The following TSR1 variants were observed in gnomAD, a reference collection of about 807,000 sequenced individuals.
The protein encoded by TSR1 is pre-rRNA-processing protein TSR1 homolog.
TSR1 carries 81 observed loss-of-function variants against 90.9 expected under a neutral mutation model. The observed-to-expected ratio is 0.89, with a 90% CI of 0.74 to 1.07. The LOEUF is 1.07. TSR1 is among the 50% of genes least tolerant of loss of function. The probability of loss-of-function intolerance (pLI) is 0.00; values close to 1 mark genes in which losing one functional copy is unlikely to be tolerated. For missense variants in TSR1, 989 were observed against 987.3 expected (o/e 1.00, Z -0.02); for synonymous variants, 362 against 348.8 (o/e 1.04, Z -0.42).
At chr17:2,333,292 A>G (rs760644828) in intron 6 of TSR1, 168 bp from the exon 7 acceptor site, 2 of 883,978 alleles carry the variant, frequency 2.3e-6, no homozygotes, top group South Asian at 2.8e-5. Context: ...ACAACTAGCA[A>G]TACTTACACA....
At chr17:2,335,125 C>G in intron 4 of TSR1, 135 bp downstream of exon 4, 1 of 1,125,408 alleles carries the variant, frequency 8.9e-7, no homozygotes, top group Non-Finnish European at 1.2e-6. Context: ...AATCTGTAAA[C>G]AATGGATCAA....
In TSR1 at chr17:2,323,539, G is replaced by T. The variant is rs1483559803; in HGVS notation, c.*657C>A. 8.2e-7 allele frequency: 1 copy of T among 1,213,904 alleles called. No homozygotes were observed. The highest frequency in any genetic ancestry group is 1.2e-6 in the Non-Finnish European group (1 of 854,466). 75.2% of individuals were successfully genotyped at this position (1,213,904 alleles called of 1,614,324 possible). A position where few individuals can be genotyped will look rare whatever the true frequency, so the allele number is the denominator to read the frequency against. ...CAGAATTAAAGAAAAGCTTTGGGAA[G>T]CGTGTGTACACAGTGATAAGAAAAT... On this transcript the variant is annotated 3_prime_UTR_variant, in exon 15 of 15. Transcript: ENST00000301364.
Position 2,329,266 on chromosome 17 carries a change from T to C in TSR1, c.1903+77A>G, listed in dbSNP as rs974430157. The C allele has an allele frequency of 3.1e-6, 5 of 1,600,566 alleles. No individual in the cohort carries two copies. The African/African-American group carries it at 4.0e-5, about 13-fold the overall frequency. ...AGAGATGTAAGATTTTGAAACCATA[T>C]ATTTTGGCACCCCTCCACCACAAGT... is the stretch of plus-strand genomic sequence containing the variant. On this transcript the variant is annotated intron_variant, in intron 11 of 14. Coordinates refer to ENST00000301364, the MANE Select transcript of TSR1 (RefSeq NM_018128.5).
Position 2,336,041 on chromosome 17 carries a change from T to G in TSR1, c.197A>C (p.Glu66Ala), listed in dbSNP as rs1290143971. 6.8e-6 allele frequency: 11 copies of G among 1,614,158 alleles called. No individual in the cohort carries two copies. Among genetic ancestry groups the G allele is most frequent in the East Asian group, 2.2e-5 (1 of 44,884 alleles). ...CCCAAATCCCGCTCCTCTCACCGCC[T>G]CCTTCTTCTGCTTTCGGAGCTGGCT... Reference protein sequence around the residue: ...RASQLRKQKKEAVLAEKRQLG... With the variant: ...RASQLRKQKKAAVLAEKRQLG... The change falls in exon 2 of 15, where the codon GAG becomes GCG. Residue 66 changes from glutamate to alanine, a missense_variant. Glu to Ala is a moderately radical substitution (Grantham distance 107). Coordinates refer to ENST00000301364, the MANE Select transcript of TSR1 (RefSeq NM_018128.5).
Position 2,334,566 on chromosome 17 carries a change from T to C in TSR1, c.887A>G (p.Asp296Gly). The change falls in exon 5 of 15, where the codon GAT becomes GGT. Residue 296 changes from aspartate to glycine, a missense_variant. Physicochemically the swap from Asp to Gly is moderately conservative, Grantham distance 94. Transcript: ENST00000301364. ...GGCATCTATCTGTTTCATCTGGAAA[T>C]CACCATATCCAACGATATGCAGCAA... ...NRLLHIVGYGDFQMKQIDAPG... is the reference protein window; with the variant it reads ...NRLLHIVGYGGFQMKQIDAPG... 1 of 1,614,184 alleles carries C rather than the reference T, an allele frequency of 6.2e-7. No individual in the cohort carries two copies. Among genetic ancestry groups the C allele is most frequent in the Non-Finnish European group, 8.5e-7 (1 of 1,180,048 alleles).
Position 2,333,814 on chromosome 17 carries a change from T to C in TSR1, c.982-98A>G. Reference sequence around the variant, plus strand: ...ACCCAGAAATATCAGTCCTCATGTATAAGATGAGTGCGACAGAATGCTAAA... The same window carrying C: ...ACCCAGAAATATCAGTCCTCATGTACAAGATGAGTGCGACAGAATGCTAAA... On this transcript the variant is annotated intron_variant, in intron 5 of 14. Coordinates refer to ENST00000301364, the MANE Select transcript of TSR1 (RefSeq NM_018128.5). 4.2e-6 allele frequency: 6 copies of C among 1,440,544 alleles called. No homozygotes were observed. The South Asian group carries it at 6.1e-5, about 15-fold the overall frequency. 89.2% of individuals were successfully genotyped at this position (1,440,544 alleles called of 1,614,324 possible).
At position 2,322,732 on chromosome 17, in the gene TSR1, G is replaced by A. The variant is rs543542722; in HGVS notation, c.*1464C>T. 51 of 172,340 alleles carry A rather than the reference G, an allele frequency of 3.0e-4. No individual in the cohort carries two copies. The highest frequency in any genetic ancestry group is 5.3e-4 in the Non-Finnish European group (43 of 80,730). The allele number at this position is 172,340 out of a possible 1,614,324, so 10.7% of individuals were successfully genotyped here. A position where few individuals can be genotyped will look rare whatever the true frequency, so the allele number is the denominator to read the frequency against. ...GGGGTTTCACCGTGTTAGCCAGGAT[G>A]GTCTTGATCTCCCTACCTCGTGATC... On this transcript the variant is annotated 3_prime_UTR_variant, in exon 15 of 15. Coordinates refer to ENST00000301364, the MANE Select transcript of TSR1 (RefSeq NM_018128.5).
intron 13 of TSR1, 28 bp downstream of exon 13, chr17:2,324,661 A>T (rs767677703): frequency 6.2e-7 from 1 of 1,613,936 alleles, no homozygotes; most frequent in East Asian, 2.2e-5. Context: ...AAAGGCAATC[A>T]GATCCCATCC....
At chr17:2,330,731 C>T in intron 9 of TSR1, 106 bp from the exon 10 acceptor site, 2 of 1,255,656 alleles carry the variant, frequency 1.6e-6, no homozygotes, top group East Asian at 2.5e-5. Context: ...ATTTTTAAAG[C>T]CAACCCTCAT....
chr17:2,330,506 G>A lies in TSR1; in HGVS notation c.1770+9C>T. 3 of 1,610,490 alleles carry A rather than the reference G, an allele frequency of 1.9e-6. No individual in the cohort carries two copies. The highest frequency in any genetic ancestry group is 2.5e-6 in the Non-Finnish European group (3 of 1,177,082). ...CAACCCCCCATTTTCCCACAAGACA[G>A]CAATTTACCTTCTGTTCATGAGGTA... On this transcript the variant is annotated intron_variant, in intron 10 of 14. Coordinates refer to ENST00000301364, the MANE Select transcript of TSR1 (RefSeq NM_018128.5).
Position 2,332,305 on chromosome 17 carries a change from C to T in TSR1, c.1360G>A (p.Val454Met). 6 of 1,613,504 alleles carry T rather than the reference C, an allele frequency of 3.7e-6. No homozygotes were observed. The highest frequency in any genetic ancestry group is 5.1e-6 in the Non-Finnish European group (6 of 1,179,920). The change falls in exon 8 of 15, where the codon GTG becomes ATG. Residue 454 changes from valine (V) to methionine (M), a missense_variant. Physicochemically the swap from Val to Met is conservative, Grantham distance 21. Transcript: ENST00000301364. Reference protein sequence around the residue: ...EYETMTIGESVHDDLYDKKVD... With the variant: ...EYETMTIGESMHDDLYDKKVD... ...TTCTTATCATACAGATCATCATGCA[C>T]AGACTCCCCAATAGTCATAGTTTCA...
chr17:2,334,336 T>C, intron 5 of TSR1, 136 bp downstream of exon 5: 1 of 940,424 alleles, frequency 1.1e-6, no homozygotes, highest in Non-Finnish European at 1.6e-6. Flanking sequence ...TATCAACCTA[T>C]TTATAACTGA....
intron 11 of TSR1, among the ~76,000 whole-genome samples, chr17:2,326,991 G>C (rs1401416165): frequency 6.6e-6 from 1 of 152,084 alleles, no homozygotes; most frequent in African/African-American, 2.4e-5. Flanking sequence ...TGTAATCCCA[G>C]CTGCTTGGGA....
intron 11 of TSR1, 51 bp from the exon 12 acceptor site, chr17:2,325,471 G>T (rs1158191424): frequency 2.2e-6 from 3 of 1,391,700 alleles, no homozygotes; most frequent in Non-Finnish European, 3.0e-6. Flanking sequence ...AGAAACCAGA[G>T]GTGATAGAGG....
chr17:2,336,283 G>A (rs765908819), intron 1 of TSR1, 48 bp downstream of exon 1: 52 of 1,611,096 alleles, frequency 3.2e-5, no homozygotes, highest in Non-Finnish European at 4.3e-5. Context: ...AGGAAAAAGA[G>A]TTAATAACGG....
At position 2,332,359 on chromosome 17, in the gene TSR1, C is replaced by G. The variant is rs1246329999; in HGVS notation, c.1306G>C (p.Asp436His). Reference sequence around the variant, plus strand: ...TCTTCCTCTTCTTCACTACTCTCATCCTGTAGAATAGGATTACAGTTTTTT... The same window carrying G: ...TCTTCCTCTTCTTCACTACTCTCATGCTGTAGAATAGGATTACAGTTTTTT... ...HEDFMEEESQ[D>H]ESSEEEEEYE... The change falls in exon 8 of 15, where the codon GAT becomes CAT. Residue 436 changes from aspartate to histidine, a missense_variant and splice_region_variant. By Grantham distance (81) the Asp-to-His change is moderately conservative (BLOSUM62 -1). Transcript: ENST00000301364. The G allele has an allele frequency of 6.3e-7, 1 of 1,590,368 alleles. No individual in the cohort carries two copies. The highest frequency in any genetic ancestry group is 8.5e-7 in the Non-Finnish European group (1 of 1,172,500).
At position 2,335,407 on chromosome 17, in the gene TSR1, GAC is replaced by G; in HGVS notation, c.422-15_422-14del. ...ACGTGCAGATCCCCTGCAGATAGAA[GAC>G]ACAGTAAGAAGAGGTGGTTGGCACC... On this transcript the variant is annotated splice_polypyrimidine_tract_variant and intron_variant, in intron 3 of 14. Coordinates refer to ENST00000301364, the MANE Select transcript of TSR1 (RefSeq NM_018128.5). The G allele has an allele frequency of 6.3e-7, 1 of 1,597,860 alleles. No individual in the cohort carries two copies. Among genetic ancestry groups the G allele is most frequent in the Admixed American group, 1.7e-5 (1 of 58,020 alleles).
intron 4 of TSR1, among the ~76,000 whole-genome samples, 153 bp downstream of exon 4, chr17:2,335,107 T>A (rs1291102945): frequency 6.6e-6 from 1 of 152,226 alleles, no homozygotes; most frequent in Non-Finnish European, 1.5e-5. Context: ...AAAGACACCC[T>A]GAGTGATAAT....
At chr17:2,335,154 C>A in intron 4 of TSR1, 106 bp downstream of exon 4, 2 of 1,281,748 alleles carry the variant, frequency 1.6e-6, no homozygotes, top group Non-Finnish European at 2.2e-6. Flanking sequence ...CATATGTGTA[C>A]ATCCCACCAC....
Sources: allele counts gnomAD v4.1 joint callset (sites outside exome capture counted in the v4.1 genomes callset), GRCh38; gene constraint gnomAD v4.1.1; transcripts MANE v1.5; gene names NCBI Gene and HGNC (gene_info 2026-07-23, HGNC 2026-07-21).